The following SORCS3 variants were observed in gnomAD, a reference collection of about 807,000 sequenced individuals.
SORCS3 encodes the protein sortilin related VPS10 domain containing receptor 3.
SORCS3 carries 57 observed loss-of-function variants against 146.3 expected under a neutral mutation model. The ratio of observed to expected loss-of-function variants is 0.39; its 90% CI spans 0.31 to 0.49. SORCS3 has a LOEUF of 0.49. Ranked by LOEUF, SORCS3 falls within the 20% of genes least tolerant of loss-of-function variation. SORCS3 has a pLI of 0.92. For missense variants in SORCS3, 1,341 were observed against 1,575.5 expected (o/e 0.85, Z 2.52); for synonymous variants, 653 against 618.5 (o/e 1.06, Z -0.83).
intron 5 of SORCS3, among the ~76,000 whole-genome samples, chr10:105,071,983 C>G (rs1168632140): frequency 6.6e-6 from 1 of 152,120 alleles, no homozygotes; most frequent in Non-Finnish European, 1.5e-5. Context: ...GTTCCTGGGT[C>G]TCTTGGTGTA....
chr10:104,889,199 T>G (rs941051673), intron 2 of SORCS3, among the ~76,000 whole-genome samples: 2 of 151,966 alleles, frequency 1.3e-5, no homozygotes, highest in Non-Finnish European at 2.9e-5. Context: ...TAAAGTGCAT[T>G]TCTTTTAGAC....
chr10:104,977,103 A>C lies in SORCS3; in HGVS notation c.796-232A>C, dbSNP rs892628616. The stretch of plus-strand genomic sequence containing the variant: ...CCCGGTGCTTAAAAGATGGACATCA[A>C]AAATGAAACCTTCTTCTATATGCTT... On this transcript the variant is annotated intron_variant, in intron 3 of 26. Transcript: ENST00000369701. Among the ~76,000 whole-genome samples, 4 of 152,178 alleles carry C rather than the reference A, an allele frequency of 2.6e-5. No homozygotes were observed. In the East Asian group the frequency reaches 7.7e-4, roughly 29 times the overall value.
chr10:105,252,463 A>G (rs2056905731), intron 22 of SORCS3, among the ~76,000 whole-genome samples: 1 of 152,222 alleles, frequency 6.6e-6, no homozygotes, highest in Non-Finnish European at 1.5e-5. Flanking sequence ...TCTCATAGAA[A>G]AATGGAAAAT....
At chr10:105,228,658 T>C (rs2056748752) in intron 20 of SORCS3, among the ~76,000 whole-genome samples, 1 of 152,172 alleles carries the variant, frequency 6.6e-6, no homozygotes, top group Non-Finnish European at 1.5e-5. Flanking sequence ...TTTCAGCTGT[T>C]TGAATATGTC....
At position 105,164,384 on chromosome 10, in the gene SORCS3, C is replaced by T; in HGVS notation, c.1809+5C>T. On this transcript the variant is annotated splice_donor_5th_base_variant and intron_variant, in intron 12 of 26. Transcript: ENST00000369701. ...GGGGGCAACACATGGAGACAGGTAACTGGGTGAATTGACAAAAAGGGAGGA... is the reference window on the plus strand; with the variant it reads ...GGGGGCAACACATGGAGACAGGTAATTGGGTGAATTGACAAAAAGGGAGGA... 6.2e-7 allele frequency: 1 copy of T among 1,606,948 alleles called. No individual in the cohort carries two copies. The highest frequency in any genetic ancestry group is 1.1e-5 in the South Asian group (1 of 90,956).
At chr10:104,872,273 A>G (rs1456262168) in intron 2 of SORCS3, among the ~76,000 whole-genome samples, 2 of 152,204 alleles carry the variant, frequency 1.3e-5, no homozygotes, top group Non-Finnish European at 2.9e-5. Context: ...GAACTCCAGC[A>G]GTGACTCCCC....
At chr10:105,072,912 G>A (rs1361569287) in intron 5 of SORCS3, among the ~76,000 whole-genome samples, 1 of 152,112 alleles carries the variant, frequency 6.6e-6, no homozygotes, top group African/African-American at 2.4e-5. Context: ...TGCTAAGGGT[G>A]TCACAGTATT....
At chr10:104,848,061 T>C (rs1351001356) in intron 2 of SORCS3, among the ~76,000 whole-genome samples, 1 of 152,170 alleles carries the variant, frequency 6.6e-6, no homozygotes, top group African/African-American at 2.4e-5. Context: ...AGGGACCGTG[T>C]GCCTTAGTTG....
At chr10:104,808,111 T>TG (rs1029871372) in intron 1 of SORCS3, among the ~76,000 whole-genome samples, 1 of 151,830 alleles carries the variant, frequency 6.6e-6, no homozygotes. Context: ...GGAATCTGGG[T>TG]GGGGGGAGTG....
chr10:105,196,466 G>T (rs1474809860), intron 14 of SORCS3, among the ~76,000 whole-genome samples: 2 of 152,152 alleles, frequency 1.3e-5, no homozygotes, highest in East Asian at 3.9e-4. Context: ...TTAGCTGAGT[G>T]TGGTGATGCA....
At chr10:104,953,616 G>T (rs1044686769) in intron 3 of SORCS3, among the ~76,000 whole-genome samples, 2 of 152,188 alleles carry the variant, frequency 1.3e-5, no homozygotes, top group African/African-American at 4.8e-5. Flanking sequence ...TGAGATTTTA[G>T]AAAGGGGACT....
chr10:104,771,007 C>G (rs1409443940), intron 1 of SORCS3, among the ~76,000 whole-genome samples: 2 of 152,162 alleles, frequency 1.3e-5, no homozygotes, highest in Non-Finnish European at 2.9e-5. Context: ...TAAACTGGTG[C>G]ATATTTTGCA....
intron 4 of SORCS3, among the ~76,000 whole-genome samples, chr10:104,993,009 A>G (rs939324449): frequency 6.6e-6 from 1 of 152,196 alleles, no homozygotes; most frequent in Non-Finnish European, 1.5e-5. Context: ...AAGAAAGGGA[A>G]AAATTATCGA....
At chr10:104,749,679 G>A (rs948476550) in intron 1 of SORCS3, among the ~76,000 whole-genome samples, 1 of 152,154 alleles carries the variant, frequency 6.6e-6, no homozygotes, top group African/African-American at 2.4e-5. Flanking sequence ...TACACCACTA[G>A]TATGAACTGA....
At chr10:104,983,316 T>G (rs1410353674) in intron 4 of SORCS3, among the ~76,000 whole-genome samples, 1 of 152,180 alleles carries the variant, frequency 6.6e-6, no homozygotes, top group Non-Finnish European at 1.5e-5. Context: ...CCAAGCATGC[T>G]TTTTCTATAT....
chr10:105,124,778 G>C (rs7073582), intron 7 of SORCS3, among the ~76,000 whole-genome samples: 1 of 152,002 alleles, frequency 6.6e-6, no homozygotes, highest in African/African-American at 2.4e-5. Flanking sequence ...CTCGAGGCCA[G>C]GCAAGATTGC....
intron 1 of SORCS3, among the ~76,000 whole-genome samples, chr10:104,731,498 C>T (rs966577121): frequency 6.6e-6 from 1 of 152,180 alleles, no homozygotes; most frequent in African/African-American, 2.4e-5. Flanking sequence ...TACCTAATCC[C>T]TGACTTTCCC....
intron 1 of SORCS3, among the ~76,000 whole-genome samples, chr10:104,674,800 G>A (rs1286719777): frequency 6.6e-6 from 1 of 152,080 alleles, no homozygotes; most frequent in Non-Finnish European, 1.5e-5. Context: ...CATTATGTCT[G>A]TGAGATTTAA....
In SORCS3 at chr10:104,782,487, G is replaced by A. The variant is rs2017386409; in HGVS notation, c.628-60305G>A. Among the ~76,000 whole-genome samples, 3 of 152,222 alleles carry A rather than the reference G, an allele frequency of 2.0e-5. No homozygotes were observed. The South Asian group carries it at 6.2e-4, about 32-fold the overall frequency. On this transcript the variant is annotated intron_variant, in intron 1 of 26. Coordinates refer to ENST00000369701, the MANE Select transcript of SORCS3 (RefSeq NM_014978.3). The stretch of plus-strand genomic sequence containing the variant: ...TGCTAGCAAGATGTGCAATAAGATT[G>A]CAAAGATGTCTAGTCTAGTTCATCT...
Sources: allele counts gnomAD v4.1 joint callset (sites outside exome capture counted in the v4.1 genomes callset), GRCh38; gene constraint gnomAD v4.1.1; transcripts MANE v1.5; gene names NCBI Gene and HGNC (gene_info 2026-07-23, HGNC 2026-07-21).